PCDHGA1: variants seen among roughly 807,000 people sequenced by gnomAD.
PCDHGA1 encodes the protein protocadherin gamma subfamily A, 1.
A neutral mutation model predicts 58.0 loss-of-function variants in PCDHGA1; 32 were observed. The observed-to-expected ratio is 0.55, with a 90% CI of 0.42 to 0.74. PCDHGA1 has a LOEUF of 0.74. Among genes scored for constraint, PCDHGA1 ranks in the 30% least tolerant of loss-of-function variants. PCDHGA1 has a pLI of 0.00. For synonymous variants in PCDHGA1, 498 were observed against 501.1 expected (o/e 0.99, Z 0.08); for missense variants, 1,205 against 1,182.3 (o/e 1.02, Z -0.28).
At chr5:141,421,986 AG>A in intron 1 of PCDHGA1, 2 of 1,609,004 alleles carry the variant, frequency 1.2e-6, no homozygotes, top group Non-Finnish European at 1.7e-6. Flanking sequence ...TGAGTGTTCC[AG>A]AAAACATCAG....
chr5:141,466,766 T>G (rs1309395984), intron 1 of PCDHGA1, among the ~76,000 whole-genome samples: 2 of 152,194 alleles, frequency 1.3e-5, no homozygotes, highest in Non-Finnish European at 2.9e-5. Context: ...TTTCAAACTG[T>G]TATCTTATTC....
At chr5:141,484,950 T>G in intron 1 of PCDHGA1, 1 of 561,950 alleles carries the variant, frequency 1.8e-6, no homozygotes, top group Non-Finnish European at 3.2e-6. Context: ...GCTCAGCCTA[T>G]TGGCTGAGCC....
intron 1 of PCDHGA1, among the ~76,000 whole-genome samples, chr5:141,397,434 A>G (rs1343347268): frequency 1.3e-5 from 2 of 152,238 alleles, no homozygotes; most frequent in African/African-American, 4.8e-5. Context: ...TTTCCCTAAT[A>G]TGTGTAATAT....
intron 1 of PCDHGA1, chr5:141,413,431 G>T (rs963192857): frequency 1.9e-6 from 3 of 1,614,092 alleles, no homozygotes; most frequent in Non-Finnish European, 2.5e-6. Context: ...CCCGCGCAGC[G>T]GCAGCTTGAT....
chr5:141,444,594 T>C (rs2098442338), intron 1 of PCDHGA1, among the ~76,000 whole-genome samples: 1 of 152,244 alleles, frequency 6.6e-6, no homozygotes, highest in South Asian at 2.1e-4. Flanking sequence ...ACTTACCTTA[T>C]TTAAAATTGA....
chr5:141,383,880 T>A, intron 1 of PCDHGA1: 2 of 1,613,994 alleles, frequency 1.2e-6, no homozygotes, highest in Non-Finnish European at 1.7e-6. Context: ...GTCCTGGTAG[T>A]CTGACAAAGG....
chr5:141,339,872 C>T, intron 1 of PCDHGA1: 2 of 1,614,160 alleles, frequency 1.2e-6, no homozygotes, highest in Non-Finnish European at 1.7e-6. Flanking sequence ...ATCTGGAGAA[C>T]TGACAATCAT....
chr5:141,476,666 G>C lies in PCDHGA1; in HGVS notation c.2422-18141G>C, dbSNP rs2099395856. On this transcript the variant is annotated intron_variant, in intron 1 of 3. Coordinates refer to ENST00000517417, the MANE Select transcript of PCDHGA1 (RefSeq NM_018912.3). This position sits in a 1 kb window ranked among gnomAD's most constrained non-coding sequence, Gnocchi z 7.6. The stretch of plus-strand genomic sequence containing the variant: ...CCGAAATGAATACTTTGCGCTTCGC[G>C]TGCAGACGCGGGAGGACAGCACCAA... 6.2e-7 allele frequency: 1 copy of C among 1,614,246 alleles called. No individual in the cohort carries two copies. The highest frequency in any genetic ancestry group is 8.5e-7 in the Non-Finnish European group (1 of 1,180,044).
At chr5:141,406,244 G>C (rs1214749681) in intron 1 of PCDHGA1, among the ~76,000 whole-genome samples, 1 of 151,936 alleles carries the variant, frequency 6.6e-6, no homozygotes, top group Non-Finnish European at 1.5e-5. Context: ...ATGTTGCCCA[G>C]ACTGGTCTCA....
intron 1 of PCDHGA1, chr5:141,355,919 C>T: frequency 6.2e-7 from 1 of 1,613,812 alleles, no homozygotes; most frequent in Non-Finnish European, 8.5e-7. Flanking sequence ...GATAATGCTC[C>T]CGTGTTCACT....
At chr5:141,399,066 G>C (rs770799351) in intron 1 of PCDHGA1, 5 of 1,613,726 alleles carry the variant, frequency 3.1e-6, no homozygotes, top group South Asian at 2.2e-5. Context: ...AATATTCAAT[G>C]GTTGTAGAAG....
intron 1 of PCDHGA1, chr5:141,402,998 C>G: frequency 6.2e-7 from 1 of 1,613,908 alleles, no homozygotes; most frequent in Non-Finnish European, 8.5e-7. Context: ...ATTAGTCCTG[C>G]TATGCTCGCT....
chr5:141,403,358 G>C (rs1031210052), intron 1 of PCDHGA1: 3 of 1,614,026 alleles, frequency 1.9e-6, no homozygotes, highest in Non-Finnish European at 2.5e-6. Flanking sequence ...GTTCCAGGCC[G>C]AAAGTCTGGA....
intron 1 of PCDHGA1, among the ~76,000 whole-genome samples, chr5:141,438,263 A>G (rs2097944986): frequency 6.6e-6 from 1 of 152,144 alleles, no homozygotes; most frequent in South Asian, 2.1e-4. Flanking sequence ...AAGAGACCAT[A>G]GAATCAAACA....
intron 1 of PCDHGA1, chr5:141,365,002 C>A: frequency 6.2e-7 from 1 of 1,613,918 alleles, no homozygotes; most frequent in African/African-American, 1.3e-5. Flanking sequence ...TACTCTCCGG[C>A]ACCACGCACA....
At chr5:141,389,927 C>A (rs2091975121) in intron 1 of PCDHGA1, 2 of 1,613,944 alleles carry the variant, frequency 1.2e-6, no homozygotes, top group African/African-American at 2.7e-5. Flanking sequence ...ACCCCTCTGA[C>A]CTCCAGGCTG....
intron 1 of PCDHGA1, among the ~76,000 whole-genome samples, chr5:141,444,241 G>A (rs1302797543): frequency 3.1e-5 from 4 of 130,308 alleles, no homozygotes; most frequent in Admixed American, 1.9e-4. Flanking sequence ...GCATGCTCTC[G>A]GCTCACTGCA....
intron 1 of PCDHGA1, chr5:141,409,355 A>G (rs778227478): frequency 6.2e-7 from 1 of 1,614,032 alleles, no homozygotes; most frequent in South Asian, 1.1e-5. Flanking sequence ...AGTCAGGTGT[A>G]ATATAGAAAC....
rs1158003183 is a variant in PCDHGA1, at chr5:141,397,388, G to A, written c.2421+64283G>A. Among the ~76,000 whole-genome samples the A allele has an allele frequency of 3.9e-5, 6 of 152,232 alleles. No individual in the cohort carries two copies. In the East Asian group the frequency reaches 1.2e-3, roughly 29 times the overall value. Reference sequence around the variant, plus strand: ...GATGTTTGGGGATTGGTATAAAATTGCCACAACTTTACAAAATAGTTTTAA... The same window carrying A: ...GATGTTTGGGGATTGGTATAAAATTACCACAACTTTACAAAATAGTTTTAA... On this transcript the variant is annotated intron_variant, in intron 1 of 3. Transcript: ENST00000517417.
Sources: gnomAD v4.1 joint callset for allele counts (sites outside exome capture counted in the v4.1 genomes callset) on GRCh38, gnomAD v4.1.1 for gene constraint, Gnocchi (gnomAD v3.1) non-coding constraint, MANE v1.5 for transcripts, NCBI Gene and HGNC (gene_info 2026-07-23, HGNC 2026-07-21) for gene names.